The following OSTN variants were observed in gnomAD, a reference collection of about 807,000 sequenced individuals.
OSTN encodes osteocrin.
OSTN carries 9 observed loss-of-function variants against 12.0 expected under a neutral mutation model. That is an observed-to-expected ratio of 0.75 (90% CI 0.45 to 1.30). OSTN has a LOEUF of 1.30. OSTN is among the 50% of genes most tolerant of loss of function. The pLI is 0.00. For synonymous variants in OSTN, 59 were observed against 56.9 expected, an observed-to-expected ratio of 1.04 and a Z score of -0.16; for missense variants, 148 against 152.3, an observed-to-expected ratio of 0.97 and a Z score of 0.15.
In OSTN at chr3:191,212,613, A is replaced by T; in HGVS notation, c.81A>T (p.Ser27=). The change falls in exon 2 of 5, where the codon TCA becomes TCT. Residue 27 remains serine, a synonymous_variant. Transcript: ENST00000682035. ...TGTGGAGCTCAGGAAAAGTCCTCTC[A>T]GTAGATGTAACAACAACAGAGGTAA... is the stretch of plus-strand genomic sequence containing the variant. ...LTLWSSGKVL[S]VDVTTTEAFD... 6.4e-7 allele frequency: 1 copy of T among 1,570,148 alleles called. No homozygotes were observed. The highest frequency in any genetic ancestry group is 1.2e-5 in the South Asian group (1 of 83,820).
At chr3:191,239,616 T>C (rs187167398) in intron 3 of OSTN, among the ~76,000 whole-genome samples, 2 of 152,364 alleles carry the variant, frequency 1.3e-5, no homozygotes, top group East Asian at 3.9e-4. Context: ...GAGCAGAATC[T>C]GTTGAAAAGT....
chr3:191,201,817 A>G (rs1331770724), intron 1 of OSTN, among the ~76,000 whole-genome samples: 2 of 152,208 alleles, frequency 1.3e-5, no homozygotes, highest in African/African-American at 4.8e-5. Context: ...AAAAATTAAA[A>G]AGTAGTAAAA....
chr3:191,256,351 C>T (rs151324166), intron 4 of OSTN, among the ~76,000 whole-genome samples: 5 of 151,950 alleles, frequency 3.3e-5, no homozygotes, highest in East Asian at 1.9e-4. Flanking sequence ...TGGACTTCCA[C>T]GGGCTGTAAT....
chr3:191,221,863 G>A (rs1352521737), intron 3 of OSTN, among the ~76,000 whole-genome samples: 1 of 152,230 alleles, frequency 6.6e-6, no homozygotes, highest in Non-Finnish European at 1.5e-5. Context: ...TCCCATCACA[G>A]AGCCATAGGC....
At chr3:191,245,667 CA>C (rs1269413854) in intron 3 of OSTN, among the ~76,000 whole-genome samples, 3 of 151,686 alleles carry the variant, frequency 2.0e-5, no homozygotes, top group African/African-American at 7.3e-5. Flanking sequence ...TGTAGTAAAG[CA>C]AAAAAGAAAA....
intron 3 of OSTN, among the ~76,000 whole-genome samples, chr3:191,230,066 C>CAATAAATAAATAAATAAATAAATAAATA (rs71937483): frequency 2.1e-5 from 3 of 146,148 alleles, no homozygotes; most frequent in African/African-American, 7.8e-5. Context: ...GACTCAGTCT[C>CAATAAATAAATAAATAAATAAATAAATA]AATAAATAAA....
chr3:191,246,204 G>A (rs2108549813), intron 3 of OSTN, among the ~76,000 whole-genome samples: 1 of 151,170 alleles, frequency 6.6e-6, no homozygotes, highest in South Asian at 2.1e-4. Context: ...TCCCTTTCTT[G>A]TGAGTCCTTC....
chr3:191,210,412 G>A (rs1444733639), intron 1 of OSTN, among the ~76,000 whole-genome samples: 1 of 152,120 alleles, frequency 6.6e-6, no homozygotes, highest in African/African-American at 2.4e-5. Flanking sequence ...AAAAAATCCT[G>A]GGTCACACCA....
chr3:191,211,170 T>C (rs963088494), intron 1 of OSTN, among the ~76,000 whole-genome samples: 13 of 152,368 alleles, frequency 8.5e-5, no homozygotes, highest in African/African-American at 2.4e-4. Context: ...ATATTTTATA[T>C]GTATATATTC....
Position 191,265,556 on chromosome 3 carries a change from G to C in OSTN, c.*2703G>C, listed in dbSNP as rs1056713219. ...ATGATATTACCCCTTATACCTAAAG[G>C]CTCAAGATGCTTGAATATGGTTCAA... On this transcript the variant is annotated 3_prime_UTR_variant, in exon 5 of 5. Coordinates refer to ENST00000682035, the MANE Select transcript of OSTN (RefSeq NM_198184.2). 1 of 152,162 alleles carries C rather than the reference G, an allele frequency of 6.6e-6. No homozygotes were observed. The highest frequency in any genetic ancestry group is 1.5e-5 in the Non-Finnish European group (1 of 68,016). The allele number at this position is 152,162 out of a possible 1,614,324, so 9.4% of individuals were successfully genotyped here.
chr3:191,217,557 G>T (rs1389315153), intron 2 of OSTN, among the ~76,000 whole-genome samples: 18 of 152,192 alleles, frequency 1.2e-4, no homozygotes, highest in Admixed American at 1.2e-3. Context: ...ACTACAGAAT[G>T]ACTCAAGATT....
At position 191,233,858 on chromosome 3, in the gene OSTN, C is replaced by T. The variant is rs557436894; in HGVS notation, c.317+14897C>T. Among the ~76,000 whole-genome samples, 24 of 152,006 alleles carry T rather than the reference C, an allele frequency of 1.6e-4. No individual in the cohort carries two copies. The South Asian group carries it at 1.7e-3, about 11-fold the overall frequency. On this transcript the variant is annotated intron_variant, in intron 3 of 4. Transcript: ENST00000682035. Reference sequence around the variant, plus strand: ...AAAATACAAAATTTGCTGGGTGTGGCGGCGCATGCCTGTGATCCTAGCTAC... The same window carrying T: ...AAAATACAAAATTTGCTGGGTGTGGTGGCGCATGCCTGTGATCCTAGCTAC...
chr3:191,251,911 A>G (rs969476519), intron 4 of OSTN, among the ~76,000 whole-genome samples: 1 of 152,244 alleles, frequency 6.6e-6, no homozygotes, highest in Non-Finnish European at 1.5e-5. Context: ...TGTTCTGAGA[A>G]CATTATGACA....
Position 191,250,150 on chromosome 3 carries a change from T to A in OSTN, c.*12+17T>A. On this transcript the variant is annotated intron_variant, in intron 4 of 4. Transcript: ENST00000682035. ...ATTCCAATTGTGAGTACAATTTGAATAAGTAACAGTATATGCAGGTATTTG... is the reference window on the plus strand; with the variant it reads ...ATTCCAATTGTGAGTACAATTTGAAAAAGTAACAGTATATGCAGGTATTTG... The A allele has an allele frequency of 6.6e-7, 1 of 1,517,492 alleles. No individual in the cohort carries two copies. The highest frequency in any genetic ancestry group is 9.2e-7 in the Non-Finnish European group (1 of 1,092,214). The allele number at this position is 1,517,492 out of a possible 1,614,324, so 94.0% of individuals were successfully genotyped here.
At chr3:191,248,966 T>A (rs1443844461) in intron 3 of OSTN, among the ~76,000 whole-genome samples, 1 of 152,194 alleles carries the variant, frequency 6.6e-6, no homozygotes, top group Non-Finnish European at 1.5e-5. Flanking sequence ...TAAGTTTATC[T>A]CTCATTGCAA....
intron 1 of OSTN, among the ~76,000 whole-genome samples, chr3:191,204,645 C>T (rs1714228242): frequency 6.6e-6 from 1 of 152,202 alleles, no homozygotes; most frequent in Admixed American, 6.5e-5. Flanking sequence ...TGCTTTCCAG[C>T]AGGTAAGTCT....
intron 3 of OSTN, among the ~76,000 whole-genome samples, chr3:191,242,295 A>G (rs531343023): frequency 3.3e-5 from 5 of 152,330 alleles, no homozygotes; most frequent in Admixed American, 6.5e-5. Flanking sequence ...GGTCTTTTGG[A>G]GAACATTTTA....
intron 4 of OSTN, among the ~76,000 whole-genome samples, chr3:191,251,379 G>T (rs554725358): frequency 6.6e-6 from 1 of 152,154 alleles, no homozygotes; most frequent in African/African-American, 2.4e-5. Flanking sequence ...GTGCATGCCC[G>T]CTCCCTAACA....
chr3:191,240,320 A>G (rs1401188649), intron 3 of OSTN, among the ~76,000 whole-genome samples: 1 of 152,140 alleles, frequency 6.6e-6, no homozygotes, highest in Non-Finnish European at 1.5e-5. Context: ...CCTAATGTAA[A>G]CATTTTAGTT....
Sources: gnomAD v4.1 joint callset for allele counts (sites outside exome capture counted in the v4.1 genomes callset) on GRCh38, gnomAD v4.1.1 for gene constraint, MANE v1.5 for transcripts, NCBI Gene and HGNC (gene_info 2026-07-23, HGNC 2026-07-21) for gene names.